Variants in DCC observed in about 807,000 individuals in gnomAD.
DCC encodes netrin receptor DCC.
In DCC, 58 loss-of-function variants were observed where a neutral mutation model predicts 172.5. The observed-to-expected ratio is 0.34, with a 90% CI of 0.27 to 0.42. DCC has a LOEUF of 0.42. DCC is among the 10% of genes least tolerant of loss of function. The probability of loss-of-function intolerance (pLI) is 1.00; values close to 1 mark genes in which losing one functional copy is unlikely to be tolerated. For missense variants in DCC, 1,740 were observed against 1,791.0 expected (o/e 0.97, Z 0.51); for synonymous variants, 709 against 644.5 (o/e 1.10, Z -1.52).
chr18:52,771,840 G>C (rs1245091165), intron 2 of DCC, among the ~76,000 whole-genome samples: 1 of 144,294 alleles, frequency 6.9e-6, no homozygotes, highest in East Asian at 2.0e-4. Context: ...CTCAAATTTG[G>C]TGTGTAACAG....
At chr18:52,852,224 T>C (rs533658771) in intron 2 of DCC, among the ~76,000 whole-genome samples, 15 of 152,106 alleles carry the variant, frequency 9.9e-5, no homozygotes, top group Non-Finnish European at 1.9e-4. Flanking sequence ...ATTGGTACTA[T>C]TATTGACACA....
At chr18:53,520,497 T>C (rs1208366425) in intron 27 of DCC, among the ~76,000 whole-genome samples, 1 of 152,088 alleles carries the variant, frequency 6.6e-6, no homozygotes, top group African/African-American at 2.4e-5. Flanking sequence ...ATTAAAGGCA[T>C]GTCTCATAGC....
intron 1 of DCC, among the ~76,000 whole-genome samples, chr18:52,502,525 C>T (rs2031064295): frequency 6.6e-6 from 1 of 152,082 alleles, no homozygotes; most frequent in Non-Finnish European, 1.5e-5. Context: ...TTTAGATTTT[C>T]TGATTGTTAT....
intron 1 of DCC, among the ~76,000 whole-genome samples, chr18:52,626,009 G>T (rs912782307): frequency 3.3e-5 from 5 of 152,050 alleles, no homozygotes; most frequent in African/African-American, 1.2e-4. Context: ...AGCTGGCTCT[G>T]GGTCCTCTTC....
intron 1 of DCC, among the ~76,000 whole-genome samples, chr18:52,538,833 A>G (rs888097632): frequency 1.3e-5 from 2 of 152,146 alleles, no homozygotes; most frequent in Admixed American, 6.5e-5. Context: ...CTCCTTTTGT[A>G]CTTTCCCACA....
At position 53,464,285 on chromosome 18, in the gene DCC, T is replaced by G. The variant is rs1831918025; in HGVS notation, c.3620-3609T>G. On this transcript the variant is annotated intron_variant, in intron 24 of 28. Coordinates refer to ENST00000442544, the MANE Select transcript of DCC (RefSeq NM_005215.4). Reference sequence around the variant, plus strand: ...GCTTCACTTCGGAAGAATGAACAAGTAAATTTCAGCATGTGGCATTTGGTA... The same window carrying G: ...GCTTCACTTCGGAAGAATGAACAAGGAAATTTCAGCATGTGGCATTTGGTA... Among the ~76,000 whole-genome samples, 3 of 152,358 alleles carry G rather than the reference T, an allele frequency of 2.0e-5. No individual in the cohort carries two copies. The South Asian group carries it at 6.2e-4, about 32-fold the overall frequency.
At chr18:53,425,175 C>T (rs975121472) in intron 21 of DCC, among the ~76,000 whole-genome samples, 13 of 151,524 alleles carry the variant, frequency 8.6e-5, no homozygotes, top group African/African-American at 2.7e-4. Context: ...TTCCAGTACT[C>T]TGCATGGTTA....
intron 1 of DCC, among the ~76,000 whole-genome samples, chr18:52,618,069 A>G (rs2144854111): frequency 6.6e-6 from 1 of 152,344 alleles, no homozygotes; most frequent in East Asian, 1.9e-4. Flanking sequence ...AAGGTTGTAC[A>G]AATATTTTAC....
intron 1 of DCC, among the ~76,000 whole-genome samples, chr18:52,433,411 G>A (rs562421427): frequency 5.3e-5 from 8 of 152,258 alleles, no homozygotes; most frequent in Non-Finnish European, 1.0e-4. Context: ...GGTAATGAAG[G>A]CTCAAAGATC....
chr18:53,295,033 T>A (rs1598993017), intron 12 of DCC, among the ~76,000 whole-genome samples: 2 of 152,130 alleles, frequency 1.3e-5, no homozygotes, highest in East Asian at 3.9e-4. Context: ...ATTTAAGACA[T>A]CTCCATAAAA....
At chr18:53,095,809 T>TTTTTTGG (rs2043078251) in intron 7 of DCC, among the ~76,000 whole-genome samples, 2 of 135,852 alleles carry the variant, frequency 1.5e-5, no homozygotes, top group South Asian at 2.2e-4. Context: ...TTTTTTTTTT[T>TTTTTTGG]GGAGGGTATG....
intron 13 of DCC, among the ~76,000 whole-genome samples, chr18:53,318,252 C>G (rs1490610413): frequency 2.6e-5 from 4 of 152,146 alleles, no homozygotes; most frequent in Non-Finnish European, 5.9e-5. Context: ...AGTAGGCATT[C>G]AGGACCAGGT....
In DCC at chr18:52,886,385, TC is replaced by T. The variant is rs552647532; in HGVS notation, c.413-19657del. On this transcript the variant is annotated intron_variant, in intron 2 of 28. Coordinates refer to ENST00000442544, the MANE Select transcript of DCC (RefSeq NM_005215.4). Reference sequence around the variant, plus strand: ...TGGCTAGGCTCGTCCAAATTCTCTGTCCATGAATGGGCACCAGCTGAGTCCA... The same window carrying T: ...TGGCTAGGCTCGTCCAAATTCTCTGTCATGAATGGGCACCAGCTGAGTCCA... 2.5e-4 allele frequency among the ~76,000 whole-genome samples: 38 copies of T among 152,284 alleles called. 1 individual carries two copies. The South Asian group carries it at 7.7e-3, about 31-fold the overall frequency.
chr18:53,173,706 T>G (rs1272580024), intron 8 of DCC, among the ~76,000 whole-genome samples: 1 of 150,266 alleles, frequency 6.7e-6, no homozygotes, highest in Non-Finnish European at 1.5e-5. Flanking sequence ...ACAAACAGAC[T>G]TAGACTCCCA....
At position 53,005,799 on chromosome 18, in the gene DCC, C is replaced by T. The variant is rs142102779; in HGVS notation, c.986-57506C>T. ...ATTGTTTGTTGGTTATTTTTCATCC[C>T]TATCATCATTTGGGTTTGATGAATA... On this transcript the variant is annotated intron_variant, in intron 5 of 28. Coordinates refer to ENST00000442544, the MANE Select transcript of DCC (RefSeq NM_005215.4). 1.8e-4 allele frequency among the ~76,000 whole-genome samples: 27 copies of T among 152,272 alleles called. 1 individual carries two copies. The South Asian group carries it at 2.7e-3, about 15-fold the overall frequency.
intron 5 of DCC, among the ~76,000 whole-genome samples, chr18:53,032,488 A>G (rs2042039014): frequency 6.6e-6 from 1 of 152,202 alleles, no homozygotes; most frequent in Admixed American, 6.6e-5. Flanking sequence ...AATTTTGAAT[A>G]AAAGTCTAAT....
chr18:53,064,934 C>A (rs2042545629), intron 6 of DCC, among the ~76,000 whole-genome samples: 2 of 152,056 alleles, frequency 1.3e-5, no homozygotes, highest in Non-Finnish European at 2.9e-5. Context: ...TTATTTTTTT[C>A]TACATTTTGA....
intron 1 of DCC, among the ~76,000 whole-genome samples, chr18:52,491,309 A>G (rs1447104182): frequency 1.3e-5 from 2 of 152,100 alleles, no homozygotes; most frequent in Non-Finnish European, 1.5e-5. Flanking sequence ...GAGGAGAAAT[A>G]CAGGAATCAA....
At chr18:52,471,318 C>G (rs1988939007) in intron 1 of DCC, among the ~76,000 whole-genome samples, 1 of 152,170 alleles carries the variant, frequency 6.6e-6, no homozygotes, top group South Asian at 2.1e-4. Context: ...GGCAACACAG[C>G]AAGACTGTAT....
Sources: gnomAD v4.1 joint callset for allele counts (sites outside exome capture counted in the v4.1 genomes callset) on GRCh38, gnomAD v4.1.1 for gene constraint, MANE v1.5 for transcripts, NCBI Gene and HGNC (gene_info 2026-07-23, HGNC 2026-07-21) for gene names.